ROS1: variants seen among roughly 807,000 people sequenced by gnomAD.
ROS1 encodes the protein ROS proto-oncogene 1, receptor tyrosine kinase, also known as proto-oncogene tyrosine-protein kinase ROS.
In ROS1, 263 loss-of-function variants were observed where a neutral mutation model predicts 273.5. The observed-to-expected ratio is 0.96, with a 90% CI of 0.87 to 1.06. The LOEUF (loss-of-function observed/expected upper bound fraction) is 1.06, where lower values mean the gene tolerates loss of function less well. Among genes scored for constraint, ROS1 ranks in the 50% least tolerant of loss-of-function variants. ROS1 has a pLI of 0.00. For synonymous variants in ROS1, 1,008 were observed against 954.1 expected (o/e 1.06, Z -1.04); for missense variants, 2,833 against 2,751.1 (o/e 1.03, Z -0.67).
At chr6:117,310,335 G>T in intron 40 of ROS1, 54 bp from the exon 41 acceptor site, 1 of 1,335,906 alleles carries the variant, frequency 7.5e-7, no homozygotes, top group Non-Finnish European at 1.0e-6. Flanking sequence ...TAAAGTTCCA[G>T]AAATCAAAGA....
At chr6:117,373,734 C>A (rs9385007) in intron 18 of ROS1, among the ~76,000 whole-genome samples, 9,819 of 152,290 alleles carry the variant, frequency 0.064, 379 homozygotes, top group Middle Eastern at 0.099. Context: ...GGGGCTACCA[C>A]AGTGCAGCGG....
At chr6:117,359,703 T>C (rs1779622522) in intron 24 of ROS1, 106 bp downstream of exon 24, 2 of 879,620 alleles carry the variant, frequency 2.3e-6, no homozygotes, top group Admixed American at 4.5e-5. Flanking sequence ...TCCTTTTCAT[T>C]CTAATCTTAA....
rs1431343994 is a variant in ROS1, at chr6:117,383,341, T to C, written c.2457A>G (p.Thr819=). 1.2e-6 allele frequency: 2 copies of C among 1,613,796 alleles called. No individual in the cohort carries two copies. Among genetic ancestry groups the C allele is most frequent in the East Asian group, 2.2e-5 (1 of 44,870 alleles). ...CCTTTTTCCCAGAAAACCAAGGCTG[T>C]GTCTGTAGTACAAGGGAACTTTCCC... The part of the protein sequence containing the change: ...LNGESSLVLQ[T]QPWFSGKKVI... Residue 819 remains threonine (T), a synonymous_variant, in exon 17 of 44, where the codon ACA becomes ACG. Coordinates refer to ENST00000368507, the MANE Select transcript of ROS1 (RefSeq NM_001378902.1).
chr6:117,291,799 T>G (rs2128524164), intron 43 of ROS1, among the ~76,000 whole-genome samples: 1 of 152,282 alleles, frequency 6.6e-6, no homozygotes, highest in East Asian at 1.9e-4. Context: ...ATATTGAGTG[T>G]GAGCATTGTT....
At chr6:117,329,814 C>A (rs1244483102) in intron 32 of ROS1, among the ~76,000 whole-genome samples, 1 of 152,156 alleles carries the variant, frequency 6.6e-6, no homozygotes, top group Non-Finnish European at 1.5e-5. Context: ...GGGGAAATTG[C>A]TTTTCCAAAG....
intron 1 of ROS1, among the ~76,000 whole-genome samples, chr6:117,419,513 C>T (rs903082811): frequency 1.1e-4 from 16 of 152,064 alleles, no homozygotes; most frequent in African/African-American, 3.6e-4. Flanking sequence ...TGATTATTGG[C>T]TTTTGTTTTT....
rs976732781 is a variant in ROS1, at chr6:117,321,360, G to A, written c.5658C>T (p.Ala1886=). The change falls in exon 36 of 44, where the codon GCC becomes GCT. Residue 1886 remains alanine, a synonymous_variant. Transcript: ENST00000368507. The stretch of plus-strand genomic sequence containing the variant: ...TTATAAGCACTGTCACCCCTTCCTT[G>A]GCACTTTTTTGATTCTTTAATCTTC... ...WHRRLKNQKS[A]KEGVTVLINE... is the part of the protein sequence containing the mutation. 1.2e-6 allele frequency: 2 copies of A among 1,612,634 alleles called. No homozygotes were observed. Among genetic ancestry groups the A allele is most frequent in the South Asian group, 1.1e-5 (1 of 90,828 alleles).
chr6:117,321,167 C>A (rs2128562798), intron 36 of ROS1, 92 bp downstream of exon 36: 1 of 1,338,464 alleles, frequency 7.5e-7, no homozygotes. Flanking sequence ...TAAACCATGA[C>A]TGTCTTGGGC....
chr6:117,344,184 CT>C lies in ROS1; in HGVS notation c.4381del (p.Arg1461AspfsTer37). ...LNATNTSLTI[R>X]LPLAKTNLTW... ...GAGGTTTGTCTTGGCCAGAGGTAAT[CT>C]GATTGTGAGGCTAGTGTTAGTGGCA... On this transcript the variant is annotated frameshift_variant, in exon 28 of 44. Transcript: ENST00000368507. LOFTEE classifies it high-confidence loss of function. 5 of 1,613,982 alleles carry C rather than the reference CT, an allele frequency of 3.1e-6. No individual in the cohort carries two copies. Among genetic ancestry groups the C allele is most frequent in the Non-Finnish European group, 4.2e-6 (5 of 1,179,950 alleles).
chr6:117,314,782 T>C (rs186789266), intron 39 of ROS1, among the ~76,000 whole-genome samples: 7 of 152,258 alleles, frequency 4.6e-5, no homozygotes, highest in Admixed American at 4.6e-4. Context: ...TAAACTGGCA[T>C]ATGTCAGGGA....
chr6:117,422,556 TTATTA>T (rs1368388434), intron 1 of ROS1, among the ~76,000 whole-genome samples: 17 of 150,564 alleles, frequency 1.1e-4, no homozygotes, highest in African/African-American at 4.0e-4. Context: ...AATTATGATC[TTATTA>T]TATTATTTTG....
At chr6:117,411,545 G>C (rs763404535) in intron 4 of ROS1, among the ~76,000 whole-genome samples, 2 of 151,988 alleles carry the variant, frequency 1.3e-5, no homozygotes, top group Non-Finnish European at 2.9e-5. Context: ...TGCTCTCTCC[G>C]TTCCCCCACA....
At position 117,310,294 on chromosome 6, in the gene ROS1, T is replaced by C; in HGVS notation, c.6216-13A>G. On this transcript the variant is annotated splice_polypyrimidine_tract_variant and intron_variant, in intron 40 of 43. Coordinates refer to ENST00000368507, the MANE Select transcript of ROS1 (RefSeq NM_001378902.1). Reference sequence around the variant, plus strand: ...AGCTGCCAGATCCCTGTGGCAGAAGTTATATTTAATAATAATAATAATAAC... The same window carrying C: ...AGCTGCCAGATCCCTGTGGCAGAAGCTATATTTAATAATAATAATAATAAC... 1 of 1,535,070 alleles carries C rather than the reference T, an allele frequency of 6.5e-7. No individual in the cohort carries two copies. Among genetic ancestry groups the C allele is most frequent in the East Asian group, 2.3e-5 (1 of 43,592 alleles).
intron 34 of ROS1, among the ~76,000 whole-genome samples, 190 bp from the exon 35 acceptor site, chr6:117,324,605 G>C (rs1434914010): frequency 6.6e-6 from 1 of 151,690 alleles, no homozygotes; most frequent in Non-Finnish European, 1.5e-5. Flanking sequence ...TCAAAAGCAA[G>C]GTGTTTTTGC....
At chr6:117,341,758 A>G in intron 29 of ROS1, 126 bp from the exon 30 acceptor site, 2 of 687,928 alleles carry the variant, frequency 2.9e-6, no homozygotes, top group South Asian at 3.8e-5. Flanking sequence ...ATGTCCAGAA[A>G]GAAAGTCAGC....
chr6:117,373,461 G>A (rs745383735), intron 18 of ROS1, among the ~76,000 whole-genome samples: 36 of 152,366 alleles, frequency 2.4e-4, no homozygotes, highest in Non-Finnish European at 4.0e-4. Context: ...GCGAGAATTC[G>A]AGCATGGCGC....
At chr6:117,394,453 G>T (rs1486082517) in intron 10 of ROS1, 107 bp from the exon 11 acceptor site, 9 of 823,892 alleles carry the variant, frequency 1.1e-5, no homozygotes, top group Non-Finnish European at 3.3e-6. Flanking sequence ...TAAAATAGAA[G>T]TATTTTATTT....
At chr6:117,396,025 G>A (rs1773457131) in intron 9 of ROS1, among the ~76,000 whole-genome samples, 163 bp downstream of exon 9, 1 of 151,896 alleles carries the variant, frequency 6.6e-6, no homozygotes. Context: ...AAATACTTAG[G>A]TTCATTTAAA....
At chr6:117,304,007 A>G (rs186181740) in intron 42 of ROS1, among the ~76,000 whole-genome samples, 4 of 152,302 alleles carry the variant, frequency 2.6e-5, no homozygotes, top group Admixed American at 1.3e-4. Context: ...GAGTTGGTAC[A>G]CCATATCAGA....
Sources: allele counts gnomAD v4.1 joint callset (sites outside exome capture counted in the v4.1 genomes callset), GRCh38; gene constraint gnomAD v4.1.1; transcripts MANE v1.5; gene names NCBI Gene and HGNC (gene_info 2026-07-23, HGNC 2026-07-21).